Variants in CROCC2 observed in about 807,000 individuals in gnomAD.
CROCC2 encodes the protein ciliary rootlet coiled-coil protein 2.
In CROCC2, 163 loss-of-function variants were observed where a neutral mutation model predicts 177.6. The ratio of observed to expected loss-of-function variants is 0.92; its 90% CI spans 0.81 to 1.05. The LOEUF (loss-of-function observed/expected upper bound fraction) is 1.05. Ranked by LOEUF, CROCC2 falls within the 50% of genes least tolerant of loss-of-function variation. The pLI is 0.00. For synonymous variants in CROCC2, 904 were observed against 787.3 expected, an observed-to-expected ratio of 1.15 and a Z score of -2.48; for missense variants, 1,929 against 1,797.8, an observed-to-expected ratio of 1.07 and a Z score of -1.32.
At chr2:240,926,730 C>T (rs1040115901) in intron 5 of CROCC2, among the ~76,000 whole-genome samples, 4 of 152,256 alleles carry the variant, frequency 2.6e-5, no homozygotes, top group African/African-American at 9.6e-5. Flanking sequence ...GTCCCAGCCC[C>T]GAGCCCCCCA....
intron 30 of CROCC2, 87 bp from the exon 31 acceptor site, chr2:240,991,109 C>T: frequency 1.0e-6 from 1 of 979,274 alleles, no homozygotes; most frequent in Non-Finnish European, 1.4e-6. Context: ...CCAGCCCTTC[C>T]TGTCACAGAG....
chr2:240,970,569 G>GC (rs1200854366), intron 27 of CROCC2, among the ~76,000 whole-genome samples: 1 of 152,206 alleles, frequency 6.6e-6, no homozygotes, highest in East Asian at 1.9e-4. Flanking sequence ...ACAGCGCCCT[G>GC]CCCCCTCCAG....
intron 18 of CROCC2, 102 bp from the exon 19 acceptor site, chr2:240,955,757 C>T (rs551466055): frequency 2.7e-6 from 2 of 750,884 alleles, no homozygotes; most frequent in East Asian, 5.4e-5. Flanking sequence ...TCCAGGGGAG[C>T]CTCTGCACTC....
At chr2:240,912,891 C>T (rs543681467) in intron 1 of CROCC2, among the ~76,000 whole-genome samples, 55 of 152,298 alleles carry the variant, frequency 3.6e-4, no homozygotes, top group Admixed American at 9.8e-4. Flanking sequence ...TCCCAAGGGA[C>T]CAAGTCTAGG....
At chr2:240,916,771 G>A (rs951319644) in intron 1 of CROCC2, among the ~76,000 whole-genome samples, 1 of 152,258 alleles carries the variant, frequency 6.6e-6, no homozygotes, top group South Asian at 2.1e-4. Flanking sequence ...TGCTGAGCAG[G>A]CGGAGGGAGG....
At position 240,967,707 on chromosome 2, in the gene CROCC2, C is replaced by T. The variant is rs545949327; in HGVS notation, c.4267+242C>T. 23 of 461,990 alleles carry T rather than the reference C, an allele frequency of 5.0e-5. No individual in the cohort carries two copies. In the South Asian group the frequency reaches 9.1e-4, roughly 18 times the overall value. The allele number at this position is 461,990 out of a possible 1,614,324, so 28.6% of individuals were successfully genotyped here. A position where few individuals can be genotyped will look rare whatever the true frequency, so the allele number is the denominator to read the frequency against. ...GTCCACAGGCCCATCAGGGCCCTCC[C>T]GATCCGGCCCCCAGCATCCTCTGCC... On this transcript the variant is annotated intron_variant, in intron 26 of 31. Coordinates refer to ENST00000690015, the MANE Select transcript of CROCC2 (RefSeq NM_001351305.2).
At chr2:240,912,029 C>T (rs899231896) in intron 1 of CROCC2, among the ~76,000 whole-genome samples, 8 of 152,288 alleles carry the variant, frequency 5.3e-5, no homozygotes, top group South Asian at 4.1e-4. Context: ...CTGGGTCGCG[C>T]GGAGAGTCTA....
intron 18 of CROCC2, among the ~76,000 whole-genome samples, chr2:240,954,328 C>T (rs933682775): frequency 6.6e-5 from 10 of 152,194 alleles, no homozygotes; most frequent in African/African-American, 9.7e-5. Flanking sequence ...TCCACAAGTC[C>T]GGGGGTCTCC....
At chr2:240,915,352 A>G (rs2059313642) in intron 1 of CROCC2, among the ~76,000 whole-genome samples, 1 of 152,234 alleles carries the variant, frequency 6.6e-6, no homozygotes, top group Non-Finnish European at 1.5e-5. Flanking sequence ...GCCTCCAGGC[A>G]AGATTCCAGC....
At chr2:240,988,963 G>A (rs934566373) in intron 29 of CROCC2, 93 bp downstream of exon 29, 62 of 1,267,650 alleles carry the variant, frequency 4.9e-5, no homozygotes, top group Non-Finnish European at 6.1e-5. Context: ...GGGGTGGCTG[G>A]TGTACCTCCA....
At position 240,985,614 on chromosome 2, in the gene CROCC2, ACACT is replaced by A. The variant is rs754661454; in HGVS notation, c.4551+2591_4551+2594del. Among the ~76,000 whole-genome samples, 452 of 51,062 alleles carry A rather than the reference ACACT, an allele frequency of 8.9e-3. 44 individuals are homozygous for A. The East Asian group carries it at 0.2, about 22-fold the overall frequency. 33.5% of individuals were successfully genotyped at this position (51,062 alleles called of 152,430 possible). A position where few individuals can be genotyped will look rare whatever the true frequency, so the allele number is the denominator to read the frequency against. The stretch of plus-strand genomic sequence containing the variant: ...AGGCACTCACTCCACACACACCCAG[ACACT>A]CACTCCACACACACCCAGGCACTCA... On this transcript the variant is annotated intron_variant, in intron 28 of 31. Coordinates refer to ENST00000690015, the MANE Select transcript of CROCC2 (RefSeq NM_001351305.2).
Position 240,917,141 on chromosome 2 carries a change from G to C in CROCC2, c.79-1585G>C, listed in dbSNP as rs974778675. Among the ~76,000 whole-genome samples, 2 of 152,142 alleles carry C rather than the reference G, an allele frequency of 1.3e-5. No individual in the cohort carries two copies. The highest frequency in any genetic ancestry group is 2.9e-5 in the Non-Finnish European group (2 of 68,020). On this transcript the variant is annotated intron_variant, in intron 1 of 31. Transcript: ENST00000690015. The surrounding 1 kb of genome is among the most constrained non-coding windows in gnomAD (Gnocchi z 4.9). ...GACTGAGAGACAGACCCTGGTGCAC[G>C]GGCTGTCGGGAGGACGGGCGGGCTG...
intron 25 of CROCC2, 119 bp from the exon 26 acceptor site, chr2:240,967,226 C>T (rs2059689645): frequency 4.5e-6 from 2 of 447,108 alleles, no homozygotes; most frequent in African/African-American, 2.0e-5. Context: ...ACTGCCCTGC[C>T]CTGCACACCT....
intron 8 of CROCC2, 133 bp from the exon 9 acceptor site, chr2:240,932,569 G>A (rs1354585141): frequency 4.4e-6 from 3 of 688,816 alleles, no homozygotes; most frequent in African/African-American, 1.8e-5. Flanking sequence ...GGAAGGTGTG[G>A]CCCCTCGCCT....
intron 2 of CROCC2, 126 bp downstream of exon 2, chr2:240,919,002 G>T: frequency 1.6e-6 from 1 of 620,698 alleles, no homozygotes; most frequent in Non-Finnish European, 2.9e-6. Context: ...GGCTGGCCAA[G>T]GTGATGGCGT....
At chr2:240,950,624 C>A in intron 18 of CROCC2, 114 bp downstream of exon 18, 1 of 1,051,530 alleles carries the variant, frequency 9.5e-7, no homozygotes, top group Non-Finnish European at 1.4e-6. Flanking sequence ...ACCGCCTACC[C>A]ACCCATCCAT....
chr2:240,949,407 G>A lies in CROCC2; in HGVS notation c.2483-126G>A. 1 of 1,221,664 alleles carries A rather than the reference G, an allele frequency of 8.2e-7. No homozygotes were observed. Among genetic ancestry groups the A allele is most frequent in the South Asian group, 1.5e-5 (1 of 66,760 alleles). The allele number at this position is 1,221,664 out of a possible 1,614,324, so 75.7% of individuals were successfully genotyped here. On this transcript the variant is annotated intron_variant, in intron 16 of 31. Coordinates refer to ENST00000690015, the MANE Select transcript of CROCC2 (RefSeq NM_001351305.2). This position sits in a 1 kb window ranked among gnomAD's most constrained non-coding sequence, Gnocchi z 4.5. ...TGCTCAGCCCACCCTGCCATGTGCT[G>A]GCCACCCACTCCCGGAGCCTGGAGT...
In CROCC2 at chr2:240,991,248, C is replaced by T. The variant is rs1574803719; in HGVS notation, c.4916C>T (p.Ala1639Val). ...LDQEVQWRQQ[A>V]HLGQAFQTGH... ...CAGGAAGTGCAGTGGCGGCAACAGG[C>T]CCACCTCGGCCAGGCCTTCCAGACA... Residue 1639 changes from alanine to valine, a missense_variant, in exon 31 of 32, where the codon GCC becomes GTC. Ala to Val is a moderately conservative substitution (Grantham distance 64). Coordinates refer to ENST00000690015, the MANE Select transcript of CROCC2 (RefSeq NM_001351305.2). 6.5e-7 allele frequency: 1 copy of T among 1,548,472 alleles called. No homozygotes were observed. Among genetic ancestry groups the T allele is most frequent in the Admixed American group, 2.0e-5 (1 of 50,842 alleles).
chr2:240,983,633 G>A (rs1242641192), intron 28 of CROCC2: 1 of 1,283,064 alleles, frequency 7.8e-7, no homozygotes, highest in South Asian at 1.2e-5. Flanking sequence ...GCTGGGGTCC[G>A]CAGGGGCGCG....
Sources: gnomAD v4.1 joint callset for allele counts (sites outside exome capture counted in the v4.1 genomes callset) on GRCh38, gnomAD v4.1.1 for gene constraint, Gnocchi (gnomAD v3.1) non-coding constraint, MANE v1.5 for transcripts, NCBI Gene and HGNC (gene_info 2026-07-23, HGNC 2026-07-21) for gene names.